Variants in RELN observed in about 807,000 individuals in gnomAD.
RELN encodes the protein reelin.
RELN carries 108 observed loss-of-function variants against 427.6 expected under a neutral mutation model. The ratio of observed to expected loss-of-function variants is 0.25; its 90% CI spans 0.22 to 0.30. The LOEUF is 0.30. Among genes scored for constraint, RELN ranks in the 10% least tolerant of loss-of-function variants. RELN has a pLI of 1.00. For synonymous variants in RELN, 1,524 were observed against 1,513.4 expected, an observed-to-expected ratio of 1.01 and a Z score of -0.16; for missense variants, 3,715 against 4,302.8, an observed-to-expected ratio of 0.86 and a Z score of 3.82.
intron 4 of RELN, among the ~76,000 whole-genome samples, chr7:103,763,609 G>C (rs545652552): frequency 2.0e-5 from 3 of 152,192 alleles, no homozygotes. Context: ...AGGAGGTATG[G>C]AGGAAAGTAC....
intron 1 of RELN, among the ~76,000 whole-genome samples, chr7:103,952,816 C>T (rs111586389): frequency 6.6e-6 from 1 of 152,156 alleles, no homozygotes; most frequent in Non-Finnish European, 1.5e-5. Flanking sequence ...CTGAACAATA[C>T]ATCTCTCAAA....
rs528973076 is a variant in RELN at position 103,955,693 on chromosome 7, C to T, written c.226+33438G>A. On this transcript the variant is annotated intron_variant, in intron 1 of 64. Transcript: ENST00000428762. Reference sequence around the variant, plus strand: ...GAGTTGGGCACTGTAAGGCCCCGATCTACATGTAAAACACTTTGGCTTCTG... The same window carrying T: ...GAGTTGGGCACTGTAAGGCCCCGATTTACATGTAAAACACTTTGGCTTCTG... Among the ~76,000 whole-genome samples, 11 of 152,324 alleles carry T rather than the reference C, an allele frequency of 7.2e-5. No homozygotes were observed. In the South Asian group the frequency reaches 2.3e-3, roughly 32 times the overall value.
chr7:103,615,691 T>C (rs1562923921), intron 20 of RELN, among the ~76,000 whole-genome samples: 1 of 152,168 alleles, frequency 6.6e-6, no homozygotes, highest in African/African-American at 2.4e-5. Context: ...AACTAGGCTT[T>C]CTGGTTTCTC....
intron 3 of RELN, among the ~76,000 whole-genome samples, chr7:103,827,737 G>A (rs1793177986): frequency 6.6e-6 from 1 of 151,842 alleles, no homozygotes; most frequent in African/African-American, 2.4e-5. Context: ...TCATCTAGAG[G>A]TATATTTTTG....
chr7:103,609,861 A>G (rs1441205338), intron 22 of RELN, among the ~76,000 whole-genome samples: 1 of 152,210 alleles, frequency 6.6e-6, no homozygotes, highest in Non-Finnish European at 1.5e-5. Context: ...TTTCTTCTGC[A>G]CAAATTACAG....
In RELN at chr7:103,589,627, T is replaced by C; in HGVS notation, c.4114A>G (p.Thr1372Ala). The C allele has an allele frequency of 6.2e-7, 1 of 1,613,700 alleles. No individual in the cohort carries two copies. The highest frequency in any genetic ancestry group is 8.5e-7 in the Non-Finnish European group (1 of 1,179,618). ...TGDFEEWTRI[T>A]IVIPRSLASS... ...GCAAGAGACCTTGGAATAACAATGG[T>C]GATTCTTGTCCATTCTTCAAAGTCC... Residue 1372 changes from threonine to alanine, a missense_variant, in exon 28 of 65, where the codon ACC becomes GCC. By Grantham distance (58) the Thr-to-Ala change is moderately conservative. Coordinates refer to ENST00000428762, the MANE Select transcript of RELN (RefSeq NM_005045.4).
intron 11 of RELN, among the ~76,000 whole-genome samples, chr7:103,669,772 G>A (rs1340868220): frequency 6.6e-6 from 1 of 152,000 alleles, no homozygotes; most frequent in Admixed American, 6.6e-5. Flanking sequence ...TCTATGTGAA[G>A]TGCATTTGAA....
Position 103,495,758 on chromosome 7 carries a change from G to A in RELN, c.9334C>T (p.Leu3112Phe). The A allele has an allele frequency of 6.2e-7, 1 of 1,614,044 alleles. No homozygotes were observed. Among genetic ancestry groups the A allele is most frequent in the South Asian group, 1.1e-5 (1 of 91,074 alleles). Reference protein sequence around the residue: ...KTHNALSSRELIIQPGYMMQF... With the variant: ...KTHNALSSREFIIQPGYMMQF... Reference sequence around the variant, plus strand: ...ATCATGTATCCTGGCTGTATAATGAGTTCTCGGGAGGAGAGAGCATTGTGA... The same window carrying A: ...ATCATGTATCCTGGCTGTATAATGAATTCTCGGGAGGAGAGAGCATTGTGA... Residue 3112 changes from leucine to phenylalanine, a missense_variant, in exon 57 of 65, where the codon CTC becomes TTC. By Grantham distance (22) the Leu-to-Phe change is conservative. Transcript: ENST00000428762.
chr7:103,910,867 G>C (rs1246448345), intron 2 of RELN, among the ~76,000 whole-genome samples: 1 of 131,386 alleles, frequency 7.6e-6, no homozygotes, highest in Admixed American at 8.0e-5. Flanking sequence ...ATGGATTAAA[G>C]ATTTAAACGT....
At chr7:103,652,991 G>A (rs1832954834) in intron 13 of RELN, among the ~76,000 whole-genome samples, 2 of 152,056 alleles carry the variant, frequency 1.3e-5, no homozygotes, top group Non-Finnish European at 2.9e-5. Context: ...CTCTGCGTGT[G>A]TTTGATCAGG....
intron 16 of RELN, among the ~76,000 whole-genome samples, chr7:103,647,633 G>C (rs995827918): frequency 6.6e-6 from 1 of 151,282 alleles, no homozygotes; most frequent in Admixed American, 6.6e-5. Flanking sequence ...ACTGCCCAAA[G>C]TAATCTACAG....
chr7:103,611,270 G>T (rs1366022979), intron 21 of RELN, among the ~76,000 whole-genome samples: 1 of 152,114 alleles, frequency 6.6e-6, no homozygotes, highest in Non-Finnish European at 1.5e-5. Context: ...CTACCTATAG[G>T]TAGAGACAGA....
intron 11 of RELN, among the ~76,000 whole-genome samples, chr7:103,668,363 AT>A (rs1252692317): frequency 2.0e-5 from 3 of 152,112 alleles, no homozygotes; most frequent in African/African-American, 7.2e-5. Flanking sequence ...TTTAAAACCA[AT>A]TTCTCTTTAA....
At position 103,567,156 on chromosome 7, in the gene RELN, C is replaced by T. The variant is rs189883959; in HGVS notation, c.4589-397G>A. ...CTCCCTGGCAAAAAATCAAGTAGCT[C>T]TTTGCTGCTGACGCACTAGGCAGTA... On this transcript the variant is annotated intron_variant, in intron 31 of 64. Coordinates refer to ENST00000428762, the MANE Select transcript of RELN (RefSeq NM_005045.4). Among the ~76,000 whole-genome samples, 362 of 152,286 alleles carry T rather than the reference C, an allele frequency of 2.4e-3. 6 individuals are homozygous for T. The highest frequency in any genetic ancestry group is 8.0e-3 in the African/African-American group (334 of 41,562).
chr7:103,552,703 T>C (rs1228608509), intron 40 of RELN, among the ~76,000 whole-genome samples: 1 of 152,024 alleles, frequency 6.6e-6, no homozygotes, highest in Non-Finnish European at 1.5e-5. Flanking sequence ...GGTTTCACCA[T>C]GTTGGTTAGG....
chr7:103,476,459 C>T (rs1487982831), intron 64 of RELN, among the ~76,000 whole-genome samples: 3 of 151,768 alleles, frequency 2.0e-5, no homozygotes, highest in Non-Finnish European at 2.9e-5. Context: ...CAGCCTGGGG[C>T]GACACGGTGA....
chr7:103,684,652 T>C (rs1018153551), intron 10 of RELN, among the ~76,000 whole-genome samples: 4 of 152,204 alleles, frequency 2.6e-5, no homozygotes, highest in African/African-American at 9.7e-5. Context: ...CTCCATGTTT[T>C]TGTAGAAGCC....
chr7:103,851,044 CA>C (rs1793808947), intron 2 of RELN, among the ~76,000 whole-genome samples: 1 of 152,282 alleles, frequency 6.6e-6, no homozygotes, highest in African/African-American at 2.4e-5. Context: ...GTATTTATTG[CA>C]GAACAATTCA....
intron 6 of RELN, among the ~76,000 whole-genome samples, chr7:103,739,848 TGCACACCA>T (rs1297654573): frequency 6.6e-5 from 10 of 152,022 alleles, no homozygotes; most frequent in Admixed American, 2.0e-4. Context: ...GTTGCACAAT[TGCACACCA>T]GAGTACAGCA....
Sources: allele counts gnomAD v4.1 joint callset (sites outside exome capture counted in the v4.1 genomes callset), GRCh38; gene constraint gnomAD v4.1.1; transcripts MANE v1.5; gene names NCBI Gene and HGNC (gene_info 2026-07-23, HGNC 2026-07-21).